The following NAALADL2 variants were observed in gnomAD, a reference collection of about 807,000 sequenced individuals.
The protein encoded by NAALADL2 is inactive N-acetylated-alpha-linked acidic dipeptidase-like protein 2.
NAALADL2 carries 76 observed loss-of-function variants against 87.2 expected under a neutral mutation model. That is an observed-to-expected ratio of 0.87 (90% CI 0.72 to 1.05). The LOEUF is 1.05. NAALADL2 is among the 50% of genes least tolerant of loss of function. The pLI, the probability that NAALADL2 is intolerant of heterozygous loss-of-function variation, is 0.00. For synonymous variants in NAALADL2, 354 were observed against 331.0 expected, an observed-to-expected ratio of 1.07 and a Z score of -0.75; for missense variants, 1,089 against 945.8, an observed-to-expected ratio of 1.15 and a Z score of -1.99.
chr3:175,323,239 CAA>C (rs1286979898), intron 4 of NAALADL2, among the ~76,000 whole-genome samples: 1 of 146,130 alleles, frequency 6.8e-6, no homozygotes, highest in Non-Finnish European at 1.5e-5. Context: ...ATCGCAAGAA[CAA>C]AAAACCAAAC....
At chr3:175,475,929 C>G (rs901345097) in intron 9 of NAALADL2, among the ~76,000 whole-genome samples, 1 of 152,064 alleles carries the variant, frequency 6.6e-6, no homozygotes, top group African/African-American at 2.4e-5. Flanking sequence ...TGCTGTGTTG[C>G]CCAGACTTGT....
chr3:174,468,730 C>T (rs1029914475), intron 1 of NAALADL2, among the ~76,000 whole-genome samples: 4 of 149,498 alleles, frequency 2.7e-5, no homozygotes, highest in East Asian at 2.0e-4. Flanking sequence ...TACCTCTTCC[C>T]TGACTTATAT....
At chr3:174,443,280 C>A (rs971360664) in intron 1 of NAALADL2, among the ~76,000 whole-genome samples, 1 of 152,050 alleles carries the variant, frequency 6.6e-6, no homozygotes, top group Non-Finnish European at 1.5e-5. Context: ...GGCTTAGACC[C>A]GGATGATAGC....
At chr3:175,601,694 A>C (rs956877098) in intron 10 of NAALADL2, among the ~76,000 whole-genome samples, 1 of 152,190 alleles carries the variant, frequency 6.6e-6, no homozygotes, top group African/African-American at 2.4e-5. Flanking sequence ...ACATACACCC[A>C]CACAGTAGCT....
intron 1 of NAALADL2, among the ~76,000 whole-genome samples, chr3:174,904,219 C>T (rs1732697748): frequency 2.0e-5 from 3 of 151,574 alleles, no homozygotes; most frequent in South Asian, 2.1e-4. Flanking sequence ...TGCCAAGAGC[C>T]AAAATCTGGA....
chr3:175,714,505 G>T (rs1315205851), intron 11 of NAALADL2, among the ~76,000 whole-genome samples: 2 of 151,988 alleles, frequency 1.3e-5, no homozygotes, highest in Non-Finnish European at 2.9e-5. Flanking sequence ...TTTTTCATTT[G>T]TTTTTTGGCC....
chr3:175,503,587 G>A (rs919279137), intron 9 of NAALADL2, among the ~76,000 whole-genome samples: 1 of 152,142 alleles, frequency 6.6e-6, no homozygotes, highest in African/African-American at 2.4e-5. Context: ...AACCTCACTA[G>A]TATGTGTTAT....
intron 9 of NAALADL2, among the ~76,000 whole-genome samples, chr3:175,497,405 T>A (rs1221823332): frequency 6.6e-6 from 1 of 152,224 alleles, no homozygotes; most frequent in South Asian, 2.1e-4. Context: ...TTTTACAAAA[T>A]GTGTAATATT....
At chr3:175,324,087 T>A in intron 4 of NAALADL2, 88 bp from the exon 5 acceptor site, 8 of 837,718 alleles carry the variant, frequency 9.5e-6, no homozygotes, top group African/African-American at 1.8e-5. Context: ...AAAAGAGTCA[T>A]CTTATCATAG....
chr3:174,766,340 C>T (rs1713799953), intron 3 of NAALADL2, among the ~76,000 whole-genome samples: 1 of 152,174 alleles, frequency 6.6e-6, no homozygotes, highest in South Asian at 2.1e-4. Context: ...CTGACAGCTA[C>T]TGGCATTTTT....
chr3:175,195,516 G>A (rs1738858398), intron 2 of NAALADL2, among the ~76,000 whole-genome samples: 2 of 151,954 alleles, frequency 1.3e-5, no homozygotes, highest in South Asian at 2.1e-4. Context: ...GGGAGGGCAT[G>A]AGCCATGGGA....
intron 2 of NAALADL2, among the ~76,000 whole-genome samples, chr3:174,586,602 C>T (rs1716751869): frequency 1.3e-5 from 2 of 152,184 alleles, no homozygotes; most frequent in South Asian, 4.1e-4. Flanking sequence ...ACTTAACATC[C>T]TCCCGCATCA....
At chr3:175,736,908 G>A (rs1424407452) in intron 11 of NAALADL2, among the ~76,000 whole-genome samples, 2 of 152,152 alleles carry the variant, frequency 1.3e-5, no homozygotes, top group Non-Finnish European at 2.9e-5. Flanking sequence ...TTTGTCTGAA[G>A]TTTTCCTTAG....
At chr3:174,664,457 A>G (rs1354269246) in intron 2 of NAALADL2, among the ~76,000 whole-genome samples, 1 of 152,194 alleles carries the variant, frequency 6.6e-6, no homozygotes, top group African/African-American at 2.4e-5. Context: ...ACTGGGTCTC[A>G]TACCAATAAG....
intron 12 of NAALADL2, among the ~76,000 whole-genome samples, chr3:175,753,262 T>C (rs1473789337): frequency 6.6e-6 from 1 of 152,168 alleles, no homozygotes; most frequent in Non-Finnish European, 1.5e-5. Context: ...AACTAGATTG[T>C]GGGATATTGA....
chr3:174,787,551 TTAATAGAAGAAGGC>T lies in NAALADL2; in HGVS notation c.-9+49806_-9+49819del, dbSNP rs1188950051. ...TTTAATTTGTTACTTTTAAAGTATT[TTAATAGAAGAAGGC>T]AATATATCATCATATATATATATAT... On this transcript the variant is annotated intron_variant, in intron 3 of 3. Transcript: ENST00000434257. Among the ~76,000 whole-genome samples, 90 of 86,102 alleles carry T rather than the reference TTAATAGAAGAAGGC, an allele frequency of 1.0e-3. 1 individual carries two copies. Among genetic ancestry groups the T allele is most frequent in the African/African-American group, 3.3e-3 (82 of 24,644 alleles). The allele number at this position is 86,102 out of a possible 152,430, so 56.5% of individuals were successfully genotyped here. A position where few individuals can be genotyped will look rare whatever the true frequency, so the allele number is the denominator to read the frequency against.
chr3:175,544,892 T>A (rs1007304741), intron 9 of NAALADL2, among the ~76,000 whole-genome samples: 8 of 152,182 alleles, frequency 5.3e-5, no homozygotes, highest in African/African-American at 1.9e-4. Flanking sequence ...TTTCCATGAT[T>A]TAGCATTCAG....
chr3:174,624,208 A>C (rs1209507888), intron 2 of NAALADL2, among the ~76,000 whole-genome samples: 1 of 152,288 alleles, frequency 6.6e-6, no homozygotes, highest in Non-Finnish European at 1.5e-5. Flanking sequence ...TAGAAAAGTA[A>C]GAAAAACTGC....
chr3:174,642,879 C>T (rs2108736258), intron 2 of NAALADL2, among the ~76,000 whole-genome samples: 1 of 151,752 alleles, frequency 6.6e-6, no homozygotes, highest in Admixed American at 6.6e-5. Context: ...ACCTCGTGGG[C>T]TCAAATGATC....
Sources: gnomAD v4.1 joint callset for allele counts (sites outside exome capture counted in the v4.1 genomes callset) on GRCh38, gnomAD v4.1.1 for gene constraint, MANE v1.5 for transcripts, NCBI Gene and HGNC (gene_info 2026-07-23, HGNC 2026-07-21) for gene names.